The following KIF27 variants were observed in gnomAD, a reference collection of about 807,000 sequenced individuals.
The protein encoded by KIF27 is kinesin family member 27.
In KIF27, 84 loss-of-function variants were observed where a neutral mutation model predicts 141.8. The observed-to-expected ratio is 0.59, with a 90% CI of 0.50 to 0.71. The LOEUF is 0.71. Ranked by LOEUF, KIF27 falls within the 30% of genes least tolerant of loss-of-function variation. The pLI is 0.00. For synonymous variants in KIF27, 471 were observed against 569.5 expected, an observed-to-expected ratio of 0.83 and a Z score of 2.46; for missense variants, 1,306 against 1,628.4, an observed-to-expected ratio of 0.80 and a Z score of 3.41.
chr9:83,871,635 G>C (rs1184077194), intron 11 of KIF27, among the ~76,000 whole-genome samples: 1 of 151,688 alleles, frequency 6.6e-6, no homozygotes, highest in East Asian at 1.9e-4. Context: ...GAATAGACTT[G>C]GAAGACAGAT....
At chr9:83,893,351 T>C (rs1226671238) in intron 5 of KIF27, among the ~76,000 whole-genome samples, 4 of 152,176 alleles carry the variant, frequency 2.6e-5, no homozygotes, top group African/African-American at 9.7e-5. Context: ...GACTGCAGAA[T>C]GCATATTCTT....
chr9:83,848,169 C>CAGATATGATATATA (rs1343004569), intron 16 of KIF27, among the ~76,000 whole-genome samples: 1 of 60,600 alleles, frequency 1.7e-5, no homozygotes, highest in Admixed American at 1.6e-4. Flanking sequence ...TATGATATAT[C>CAGATATGATATATA]TGATATATCA....
chr9:83,895,124 T>C (rs1588213114), intron 5 of KIF27, among the ~76,000 whole-genome samples: 1 of 149,430 alleles, frequency 6.7e-6, no homozygotes, highest in African/African-American at 2.5e-5. Flanking sequence ...TAGCCAGGCA[T>C]GGCGGCGGGC....
At chr9:83,861,709 G>A (rs1949935443) in intron 13 of KIF27, among the ~76,000 whole-genome samples, 1 of 151,456 alleles carries the variant, frequency 6.6e-6, no homozygotes, top group South Asian at 2.1e-4. Context: ...TGGGATGGCT[G>A]GGTCAAATGG....
chr9:83,872,340 C>T (rs1588110394), intron 11 of KIF27, among the ~76,000 whole-genome samples: 1 of 152,000 alleles, frequency 6.6e-6, no homozygotes, highest in Admixed American at 6.5e-5. Context: ...AAACAAAAGG[C>T]GCAATGTTCA....
rs1188815604 is a variant in KIF27, at chr9:83,848,212, TATATG to T, written c.3556+1882_3556+1886del. On this transcript the variant is annotated intron_variant, in intron 16 of 17. Coordinates refer to ENST00000297814, the MANE Select transcript of KIF27 (RefSeq NM_017576.4). ...TATATATGATATATCAGATATGATA[TATATG>T]ATATATCAGATATGATATATATGAT... Among the ~76,000 whole-genome samples the T allele has an allele frequency of 2.4e-4, 24 of 99,236 alleles. 3 individuals carry two copies. The highest frequency in any genetic ancestry group is 4.1e-4 in the Non-Finnish European group (21 of 51,406). The allele number at this position is 99,236 out of a possible 152,430, so 65.1% of individuals were successfully genotyped here. A position where few individuals can be genotyped will look rare whatever the true frequency, so the allele number is the denominator to read the frequency against.
In KIF27 at chr9:83,903,837, A is replaced by G. The variant is rs762294944; in HGVS notation, c.681T>C (p.Asp227=). The change falls in exon 4 of 18, where the codon GAT becomes GAC. Residue 227 remains aspartate (D), a synonymous_variant. Coordinates refer to ENST00000297814, the MANE Select transcript of KIF27 (RefSeq NM_017576.4). Reference sequence around the variant, plus strand: ...TATGCCGAGGGGAATACCATGATCCATCTTCAGCTGCCTCCATATTTTTAT... The same window carrying G: ...TATGCCGAGGGGAATACCATGATCCGTCTTCAGCTGCCTCCATATTTTTAT... ...QVHKNMEAAE[D]GSWYSPRHIV... is the part of the protein sequence containing the mutation. 4.3e-6 allele frequency: 7 copies of G among 1,614,102 alleles called. No homozygotes were observed. The highest frequency in any genetic ancestry group is 1.1e-5 in the South Asian group (1 of 91,092).
chr9:83,883,610 G>GA (rs1443716836), intron 10 of KIF27, among the ~76,000 whole-genome samples: 1 of 152,068 alleles, frequency 6.6e-6, no homozygotes, highest in East Asian at 1.9e-4. Flanking sequence ...TATGATGATT[G>GA]AAAGAAGATA....
At chr9:83,896,051 CAAAAAAAAAAAAA>C (rs35504224) in intron 5 of KIF27, among the ~76,000 whole-genome samples, 2 of 54,524 alleles carry the variant, frequency 3.7e-5, no homozygotes, top group Admixed American at 5.1e-4. Context: ...GACTCTGTCT[CAAAAAAAAAAAAA>C]AAAAAAAAAA....
Position 83,836,601 on chromosome 9 carries a change from AT to A in KIF27, c.*399del, listed in dbSNP as rs1315531018. ...TTTAGCTGGATCTTTTAAAAAAAAA[AT>A]ATACTTGTATTTGAGAATAACAATA... On this transcript the variant is annotated 3_prime_UTR_variant, in exon 18 of 18. Transcript: ENST00000297814. The A allele has an allele frequency of 8.3e-5, 13 of 156,756 alleles. No individual in the cohort carries two copies. Among genetic ancestry groups the A allele is most frequent in the African/African-American group, 1.2e-4 (5 of 41,562 alleles). 9.7% of individuals were successfully genotyped at this position (156,756 alleles called of 1,614,324 possible).
chr9:83,873,307 C>T (rs1410565849), intron 11 of KIF27, among the ~76,000 whole-genome samples: 2 of 152,164 alleles, frequency 1.3e-5, no homozygotes, highest in East Asian at 1.9e-4. Context: ...GAAGGCTATA[C>T]ACCCAACTAC....
intron 2 of KIF27, among the ~76,000 whole-genome samples, chr9:83,910,921 A>G (rs1053850976): frequency 1.3e-5 from 2 of 151,964 alleles, no homozygotes. Flanking sequence ...ATGTCCATCA[A>G]AAGAAGAATG....
intron 12 of KIF27, among the ~76,000 whole-genome samples, chr9:83,869,248 G>A (rs530341914): frequency 6.6e-6 from 1 of 152,008 alleles, no homozygotes; most frequent in Non-Finnish European, 1.5e-5. Flanking sequence ...AGAGATAATT[G>A]CATTCTAGGT....
chr9:83,909,135 T>C lies in KIF27; in HGVS notation c.299-483A>G, dbSNP rs536934738. On this transcript the variant is annotated intron_variant, in intron 2 of 17. Coordinates refer to ENST00000297814, the MANE Select transcript of KIF27 (RefSeq NM_017576.4). ...GTGAGATTCTGCTAAAGACAGACAATAGCAAAAAAGAATAACTGATAAGTG... is the reference window on the plus strand; with the variant it reads ...GTGAGATTCTGCTAAAGACAGACAACAGCAAAAAAGAATAACTGATAAGTG... Among the ~76,000 whole-genome samples, 7 of 151,818 alleles carry C rather than the reference T, an allele frequency of 4.6e-5. No individual in the cohort carries two copies. The East Asian group carries it at 5.8e-4, about 13-fold the overall frequency.
Position 83,917,164 on chromosome 9 carries a change from G to A in KIF27, c.-87-1486C>T, listed in dbSNP as rs1955787594. ...CACCCCACAACAAGCCCCAATGTGT[G>A]ATGTTCCCCTTCCTGTGGCAGAACA... On this transcript the variant is annotated intron_variant, in intron 1 of 17. Coordinates refer to ENST00000297814, the MANE Select transcript of KIF27 (RefSeq NM_017576.4). 5.4e-5 allele frequency among the ~76,000 whole-genome samples: 8 copies of A among 148,962 alleles called. No individual in the cohort carries two copies. The Middle Eastern group carries it at 0.014, about 257-fold the overall frequency.
intron 11 of KIF27, among the ~76,000 whole-genome samples, chr9:83,872,806 G>C (rs1950901475): frequency 6.6e-6 from 1 of 152,174 alleles, no homozygotes; most frequent in South Asian, 2.1e-4. Flanking sequence ...TCCAGAAAGG[G>C]GGATGATAAG....
At chr9:83,891,639 C>T (rs1374271544) in intron 5 of KIF27, 138 bp from the exon 6 acceptor site, 2 of 837,090 alleles carry the variant, frequency 2.4e-6, no homozygotes, top group Non-Finnish European at 3.6e-6. Flanking sequence ...CAGAGACTAG[C>T]TCTCTGGTGT....
intron 14 of KIF27, among the ~76,000 whole-genome samples, 192 bp from the exon 15 acceptor site, chr9:83,854,027 A>G (rs534531572): frequency 6.6e-6 from 1 of 152,378 alleles, no homozygotes; most frequent in African/African-American, 2.4e-5. Context: ...ATACACACAC[A>G]TAAACACACA....
In KIF27 at chr9:83,908,626, T is replaced by C. The variant is rs139715507; in HGVS notation, c.325A>G (p.Ile109Val). ...ATTTCTTGAATAGCTCGAGGAATGATACCCTTTTGGCCCTCCACAACTGAA... is the reference window on the plus strand; with the variant it reads ...ATTTCTTGAATAGCTCGAGGAATGACACCCTTTTGGCCCTCCACAACTGAA... ...IASVVEGQKG[I>V]IPRAIQEIFQ... The change falls in exon 3 of 18, where the codon ATC (isoleucine) becomes GTC (valine). Residue 109 changes from isoleucine (I) to valine (V), a missense_variant. By Grantham distance (29) the Ile-to-Val change is conservative. Coordinates refer to ENST00000297814, the MANE Select transcript of KIF27 (RefSeq NM_017576.4). 333 of 1,610,720 alleles carry C rather than the reference T, an allele frequency of 2.1e-4. 1 individual carries two copies. In the African/African-American group the frequency reaches 4.2e-3, roughly 20 times the overall value.
Sources: allele counts gnomAD v4.1 joint callset (sites outside exome capture counted in the v4.1 genomes callset), GRCh38; gene constraint gnomAD v4.1.1; transcripts MANE v1.5; gene names NCBI Gene and HGNC (gene_info 2026-07-23, HGNC 2026-07-21).